RPL28: variants seen among roughly 807,000 people sequenced by gnomAD.
RPL28 encodes large ribosomal subunit protein eL28.
In RPL28, 4 loss-of-function variants were observed where a neutral mutation model predicts 12.5. That is an observed-to-expected ratio of 0.32 (90% CI 0.16 to 0.73). The LOEUF is 0.73. Ranked by LOEUF, RPL28 falls within the 30% of genes least tolerant of loss-of-function variation. The pLI is 0.66. For synonymous variants in RPL28, 91 were observed against 72.5 expected (o/e 1.26, Z -1.30); for missense variants, 214 against 197.7 (o/e 1.08, Z -0.49).
At position 55,390,161 on chromosome 19, in the gene RPL28, G is replaced by A; in HGVS notation, c.*1829G>A. 1.0e-6 allele frequency: 1 copy of A among 985,454 alleles called. No individual in the cohort carries two copies. The allele number at this position is 985,454 out of a possible 1,614,324, so 61.0% of individuals were successfully genotyped here. A position where few individuals can be genotyped will look rare whatever the true frequency, so the allele number is the denominator to read the frequency against. On this transcript the variant is annotated 3_prime_UTR_variant, in exon 5 of 5. Transcript: ENST00000344063. Reference sequence around the variant, plus strand: ...CATATAATGAGATGCTTGATGAATGGTGCATATTGAATGTATAAAGCCCAC... The same window carrying A: ...CATATAATGAGATGCTTGATGAATGATGCATATTGAATGTATAAAGCCCAC...
chr19:55,392,300 C>T (rs1201675715), downstream of RPL28, among the ~76,000 whole-genome samples: 5 of 152,132 alleles, frequency 3.3e-5, no homozygotes, highest in Non-Finnish European at 7.4e-5. Flanking sequence ...GGCGCAATCA[C>T]GGCTCACTGC....
exon 5 of RPL28, chr19:55,403,170 T>TG (rs750025749): frequency 2.9e-6 from 2 of 684,874 alleles, no homozygotes; most frequent in South Asian, 1.6e-5. Context: ...TAATACCCCT[T>TG]GGGGGGCAAA....
intron 4 of RPL28, among the ~76,000 whole-genome samples, chr19:55,399,028 C>G (rs751220866): frequency 9.2e-5 from 14 of 152,076 alleles, no homozygotes; most frequent in Non-Finnish European, 1.5e-4. Flanking sequence ...CCCTCTCTCA[C>G]CCAGGCTGGA....
Position 55,386,332 on chromosome 19 carries a change from G to C in RPL28, c.-8-18G>C. The C allele has an allele frequency of 6.2e-7, 1 of 1,611,604 alleles. No homozygotes were observed. On this transcript the variant is annotated intron_variant, in intron 1 of 4. Coordinates refer to ENST00000344063, the MANE Select transcript of RPL28 (RefSeq NM_000991.5). ...GTTCTCTGTGTCTGACGCTTTCCCT[G>C]TGCCCGTTTCCCCGCAGCCGCCGCC...
downstream of RPL28, among the ~76,000 whole-genome samples, chr19:55,395,566 C>T (rs1435646642): frequency 6.6e-6 from 1 of 151,886 alleles, no homozygotes; most frequent in Non-Finnish European, 1.5e-5. Flanking sequence ...GCCTCAGCCT[C>T]CCTAGTAGCT....
rs2123287433 is a variant in RPL28 at position 55,390,789 on chromosome 19, AG to A, written c.*2460del. On this transcript the variant is annotated 3_prime_UTR_variant, in exon 5 of 5. Coordinates refer to ENST00000344063, the MANE Select transcript of RPL28 (RefSeq NM_000991.5). ...GGTGGAGGAACCAGGAGAGGGCTGG[AG>A]GGAGGGAGATGGTCTCAGCCCCACA... The A allele has an allele frequency of 7.1e-6, 7 of 985,408 alleles. No homozygotes were observed. Among genetic ancestry groups the A allele is most frequent in the Non-Finnish European group, 8.4e-6 (7 of 829,922 alleles). 61.0% of individuals were successfully genotyped at this position (985,408 alleles called of 1,614,324 possible). A position where few individuals can be genotyped will look rare whatever the true frequency, so the allele number is the denominator to read the frequency against.
intron 4 of RPL28, chr19:55,400,635 T>C (rs372871268): frequency 6.6e-6 from 1 of 152,204 alleles, no homozygotes; most frequent in Non-Finnish European, 1.5e-5. Context: ...CCAACAACCA[T>C]GAGCATGGAA....
Position 55,391,903 on chromosome 19 carries a change from T to C in RPL28, c.*3571T>C. The C allele has an allele frequency of 1.5e-6, 2 of 1,328,274 alleles. No homozygotes were observed. The highest frequency in any genetic ancestry group is 1.9e-6 in the Non-Finnish European group (2 of 1,034,782). The allele number at this position is 1,328,274 out of a possible 1,614,324, so 82.3% of individuals were successfully genotyped here. On this transcript the variant is annotated 3_prime_UTR_variant, in exon 5 of 5. Coordinates refer to ENST00000344063, the MANE Select transcript of RPL28 (RefSeq NM_000991.5). The stretch of plus-strand genomic sequence containing the variant: ...TCCATGTGCAGTAATGCCTGGTGGC[T>C]CCAGGTCTGCCCCGCCGTCCTGTGG...
At chr19:55,386,131 T>C in intron 1 of RPL28, 166 bp downstream of exon 1, 2 of 566,212 alleles carry the variant, frequency 3.5e-6, no homozygotes, top group Non-Finnish European at 6.4e-6. Flanking sequence ...CTCACTCTCA[T>C]TCGCCGCAGC....
intron 3 of RPL28, chr19:55,387,626 C>G: frequency 3.6e-6 from 5 of 1,395,938 alleles, no homozygotes; most frequent in Non-Finnish European, 4.6e-6. Context: ...AGCGTGGGCT[C>G]TGGCTGGACC....
chr19:55,400,979 A>C, intron 4 of RPL28: 1 of 164,948 alleles, frequency 6.1e-6, no homozygotes, highest in Non-Finnish European at 1.3e-5. Context: ...CTGCCACACC[A>C]ACGTGGCCAT....
rs377751817 is a variant in RPL28, at chr19:55,401,564, C to T, written c.325-1379C>T. The T allele has an allele frequency of 5.7e-5, 92 of 1,610,242 alleles. 1 individual carries two copies. In the Middle Eastern group the frequency reaches 6.5e-4, roughly 11 times the overall value. On this transcript the variant is annotated intron_variant, in intron 4 of 4. Coordinates refer to the RPL28 transcript ENST00000560055. ...CCCGGGCCCCCTGGGGCCCCAGGGT[C>T]GGTGGAGGAAGCTTCAGTGCCACTG... is the stretch of plus-strand genomic sequence containing the variant.
chr19:55,395,445 T>C (rs1264550408), downstream of RPL28, among the ~76,000 whole-genome samples: 1 of 61,272 alleles, frequency 1.6e-5, no homozygotes, highest in African/African-American at 9.4e-5. Context: ...CTTTTTCTCT[T>C]TTTTTTTTTT....
Position 55,403,003 on chromosome 19 carries a change from G to GCCTA in RPL28, c.385_386insCCTA (p.Gly129AlafsTer2), listed in dbSNP as rs1394291596. ...CAGCCTGGAGCACCAGCCTAGACCA[G>GCCTA]GACGCCTCCACCTCAGCAACACCGC... On this transcript the variant is annotated stop_gained and frameshift_variant, in exon 5 of 5. Transcript: ENST00000560055. LOFTEE classifies it low-confidence loss of function (END_TRUNC). The GCCTA allele has an allele frequency of 1.8e-5, 27 of 1,533,470 alleles. No individual in the cohort carries two copies. Among genetic ancestry groups the GCCTA allele is most frequent in the Admixed American group, 5.9e-5 (3 of 50,950 alleles). 95.0% of individuals were successfully genotyped at this position (1,533,470 alleles called of 1,614,324 possible).
rs940244609 is a variant in RPL28, at chr19:55,388,270, C to T, written c.352C>T (p.Leu118=). ...AGCCATCCGCAGGGCCAGCGCCATC[C>T]TGCGCAGCCAGAAGCCTGTGATGGT... ...MAAIRRASAI[L]RSQKPVMVKR... Residue 118 remains leucine (L), a synonymous_variant, in exon 5 of 5, where the codon CTG becomes TTG. Coordinates refer to ENST00000344063, the MANE Select transcript of RPL28 (RefSeq NM_000991.5). 1.2e-5 allele frequency: 19 copies of T among 1,580,018 alleles called. No individual in the cohort carries two copies. Among genetic ancestry groups the T allele is most frequent in the Non-Finnish European group, 1.5e-5 (17 of 1,163,840 alleles).
chr19:55,396,192 G>C (rs2090021312), downstream of RPL28, among the ~76,000 whole-genome samples: 1 of 149,708 alleles, frequency 6.7e-6, no homozygotes, highest in East Asian at 1.9e-4. Context: ...GATCACTTGA[G>C]CCCAGGAGTT....
chr19:55,391,581 C>T lies in RPL28; in HGVS notation c.*3249C>T, dbSNP rs1328974368. 1.0e-5 allele frequency: 16 copies of T among 1,547,524 alleles called. No individual in the cohort carries two copies. The highest frequency in any genetic ancestry group is 1.4e-5 in the Non-Finnish European group (16 of 1,143,628). Reference sequence around the variant, plus strand: ...CATGCTGGCATCTACTGGGTCAGGGCTCTGCTGCTCGGTGGCTGTGCAACC... The same window carrying T: ...CATGCTGGCATCTACTGGGTCAGGGTTCTGCTGCTCGGTGGCTGTGCAACC... On this transcript the variant is annotated 3_prime_UTR_variant, in exon 5 of 5. Transcript: ENST00000344063.
rs1248178422 is a variant in RPL28 at position 55,390,626 on chromosome 19, C to T, written c.*2294C>T. The T allele has an allele frequency of 1.0e-6, 1 of 985,632 alleles. No homozygotes were observed. 61.1% of individuals were successfully genotyped at this position (985,632 alleles called of 1,614,324 possible). ...TTTCTCCATCCCTATCTGAATCCTCCCTGCTGTGTGGCCTCCCCTGGTCTC... is the reference window on the plus strand; with the variant it reads ...TTTCTCCATCCCTATCTGAATCCTCTCTGCTGTGTGGCCTCCCCTGGTCTC... On this transcript the variant is annotated 3_prime_UTR_variant, in exon 5 of 5. Coordinates refer to ENST00000344063, the MANE Select transcript of RPL28 (RefSeq NM_000991.5).
chr19:55,386,734 C>T (rs1201203898), intron 3 of RPL28, 41 bp downstream of exon 3: 1 of 1,612,306 alleles, frequency 6.2e-7, no homozygotes, highest in East Asian at 2.2e-5. Context: ...GGCCCCTTTC[C>T]CGGGTCTGGG....
Sources: allele counts gnomAD v4.1 joint callset (sites outside exome capture counted in the v4.1 genomes callset), GRCh38; gene constraint gnomAD v4.1.1; transcripts MANE v1.5; gene names NCBI Gene and HGNC (gene_info 2026-07-23, HGNC 2026-07-21).